Variants in DAZAP1 observed in about 807,000 individuals in gnomAD.
DAZAP1 encodes the protein DAZ associated protein 1.
A neutral mutation model predicts 60.1 loss-of-function variants in DAZAP1; 6 were observed. The observed-to-expected ratio is 0.10, with a 90% CI of 0.05 to 0.20. The LOEUF is 0.20. DAZAP1 is among the 10% of genes least tolerant of loss of function. DAZAP1 has a pLI of 1.00. For missense variants in DAZAP1, 366 were observed against 560.4 expected (o/e 0.65, Z 3.50); for synonymous variants, 235 against 215.9 (o/e 1.09, Z -0.78).
intron 4 of DAZAP1, among the ~76,000 whole-genome samples, chr19:1,420,822 C>T (rs904579649): frequency 3.3e-5 from 5 of 152,234 alleles, no homozygotes; most frequent in Non-Finnish European, 7.3e-5. Flanking sequence ...AAAGTCCCTG[C>T]CTTCACACTG....
At chr19:1,414,693 G>A (rs557228321) in intron 1 of DAZAP1, among the ~76,000 whole-genome samples, 4 of 151,826 alleles carry the variant, frequency 2.6e-5, no homozygotes, top group East Asian at 1.9e-4. Context: ...CTGAGATCGC[G>A]CCACTACACT....
intron 1 of DAZAP1, among the ~76,000 whole-genome samples, chr19:1,411,308 C>G (rs1307574267): frequency 6.6e-6 from 1 of 152,246 alleles, no homozygotes; most frequent in Non-Finnish European, 1.5e-5. Flanking sequence ...TGGGCAGCAC[C>G]TTTGGCCTCC....
Position 1,434,128 on chromosome 19 carries a change from G to A in DAZAP1, c.1049-609G>A, listed in dbSNP as rs890856886. ...GCAGCTCTGTCCTTGTAAAGACACC[G>A]CTGTCCATGCTCCTGAGGTCGGCTG... On this transcript the variant is annotated intron_variant, in intron 11 of 11. Coordinates refer to ENST00000233078, the MANE Select transcript of DAZAP1 (RefSeq NM_018959.4). This position sits in a 1 kb window ranked among gnomAD's most constrained non-coding sequence, Gnocchi z 8.0. The A allele has an allele frequency of 2.3e-5, 9 of 391,030 alleles. No individual in the cohort carries two copies. Among genetic ancestry groups the A allele is most frequent in the South Asian group, 6.4e-5 (2 of 31,160 alleles). The allele number at this position is 391,030 out of a possible 1,614,324, so 24.2% of individuals were successfully genotyped here.
At chr19:1,412,433 C>T (rs1016851709) in intron 1 of DAZAP1, among the ~76,000 whole-genome samples, 10 of 152,356 alleles carry the variant, frequency 6.6e-5, no homozygotes, top group East Asian at 3.9e-4. Context: ...AGATTGTGCA[C>T]GGAGCTGAGT....
chr19:1,429,715 CCA>C (rs1329888331), intron 8 of DAZAP1, among the ~76,000 whole-genome samples: 1 of 152,232 alleles, frequency 6.6e-6, no homozygotes, highest in Non-Finnish European at 1.5e-5. Context: ...CACCCGTGCC[CCA>C]GTCAGCAGAC....
chr19:1,434,017 C>T lies in DAZAP1; in HGVS notation c.1049-720C>T, dbSNP rs949766158. On this transcript the variant is annotated intron_variant, in intron 11 of 11. Coordinates refer to ENST00000233078, the MANE Select transcript of DAZAP1 (RefSeq NM_018959.4). This position sits in a 1 kb window ranked among gnomAD's most constrained non-coding sequence, Gnocchi z 8.0. ...TCCCCCAGAGAGAGCCCACGCCCAC[C>T]TGTGCCCACGTGCACCCGAATGGGA... 105 of 604,574 alleles carry T rather than the reference C, an allele frequency of 1.7e-4. No individual in the cohort carries two copies. In the African/African-American group the frequency reaches 1.8e-3, roughly 10 times the overall value. 37.5% of individuals were successfully genotyped at this position (604,574 alleles called of 1,614,324 possible).
intron 1 of DAZAP1, among the ~76,000 whole-genome samples, chr19:1,414,032 T>TGTGTGTGTGTGTG (rs1600190557): frequency 4.0e-5 from 6 of 149,276 alleles, no homozygotes; most frequent in African/African-American, 1.0e-4. Flanking sequence ...TGTGTGTGTG[T>TGTGTGTGTGTGTG]TTAGATGGAC....
At chr19:1,421,083 CCGCAGCT>C in intron 4 of DAZAP1, 58 bp from the exon 5 acceptor site, 1 of 1,486,938 alleles carries the variant, frequency 6.7e-7, no homozygotes, top group South Asian at 1.1e-5. Flanking sequence ...TTTATGTCCT[CCGCAGCT>C]CGCGGGAGGG....
chr19:1,431,169 C>T (rs2083441525), intron 10 of DAZAP1, among the ~76,000 whole-genome samples: 1 of 151,490 alleles, frequency 6.6e-6, no homozygotes, highest in South Asian at 2.1e-4. Context: ...CACTCTGTCG[C>T]CCAGGCTAGA....
intron 1 of DAZAP1, among the ~76,000 whole-genome samples, chr19:1,412,218 G>T (rs1441815107): frequency 6.6e-6 from 1 of 152,180 alleles, no homozygotes; most frequent in African/African-American, 2.4e-5. Context: ...CTGGAGGGGG[G>T]GCATCTGACC....
intron 1 of DAZAP1, among the ~76,000 whole-genome samples, chr19:1,408,377 CA>C (rs1444338819): frequency 2.6e-5 from 4 of 152,162 alleles, no homozygotes; most frequent in African/African-American, 7.2e-5. Flanking sequence ...GCTTCCTGGC[CA>C]GGGGGACCCC....
At chr19:1,419,996 C>T (rs1401029993) in intron 4 of DAZAP1, among the ~76,000 whole-genome samples, 2 of 97,022 alleles carry the variant, frequency 2.1e-5, no homozygotes, top group Non-Finnish European at 4.0e-5. Flanking sequence ...ACTCACCCCA[C>T]GCGCACACTC....
At position 1,426,907 on chromosome 19, in the gene DAZAP1, T is replaced by G. The variant is rs776965662; in HGVS notation, c.546+947T>G. On this transcript the variant is annotated intron_variant, in intron 7 of 11. Transcript: ENST00000233078. This position sits in a 1 kb window ranked among gnomAD's most constrained non-coding sequence, Gnocchi z 5.4. The stretch of plus-strand genomic sequence containing the variant: ...TTAGCCCCTCTGACAGGGCCATGGT[T>G]GTTTTTTCAATTAAAATGTCCTGGA... 20 of 152,202 alleles carry G rather than the reference T, an allele frequency of 1.3e-4. No individual in the cohort carries two copies. Among genetic ancestry groups the G allele is most frequent in the Non-Finnish European group, 1.3e-4 (9 of 68,030 alleles). The allele number at this position is 152,202 out of a possible 1,614,324, so 9.4% of individuals were successfully genotyped here.
intron 8 of DAZAP1, among the ~76,000 whole-genome samples, chr19:1,429,539 A>G (rs938651079): frequency 6.6e-6 from 1 of 152,082 alleles, no homozygotes; most frequent in African/African-American, 2.4e-5. Context: ...TTCCAGATGT[A>G]CGTCGTCCGG....
chr19:1,430,265 AC>A lies in DAZAP1; in HGVS notation c.779del (p.Pro260HisfsTer75). The A allele has an allele frequency of 3.5e-6, 2 of 565,654 alleles. No individual in the cohort carries two copies. The highest frequency in any genetic ancestry group is 5.7e-6 in the Non-Finnish European group (2 of 350,532). The allele number at this position is 565,654 out of a possible 1,614,324, so 35.0% of individuals were successfully genotyped here. ...PPAGRGAPPP[P>X]PPFTSYIVST... ...CTGCAGGAAGAGGAGCCCCCCCGCC[AC>A]CCCCACCGTTCACCTCCTACATCGT... On this transcript the variant is annotated frameshift_variant, in exon 10 of 12. Coordinates refer to ENST00000233078, the MANE Select transcript of DAZAP1 (RefSeq NM_018959.4). LOFTEE classifies it high-confidence loss of function.
chr19:1,427,019 T>G (rs975564360), intron 7 of DAZAP1: 1 of 152,262 alleles, frequency 6.6e-6, no homozygotes, highest in Admixed American at 6.5e-5. Context: ...AACAGTAGCA[T>G]GTGTAGTTAT....
Position 1,430,254 on chromosome 19 carries a change from G to GGGGC in DAZAP1, c.763_764insGGGC (p.Ala255GlyfsTer173). 32 of 1,295,086 alleles carry GGGGC rather than the reference G, an allele frequency of 2.5e-5. No homozygotes were observed. Among genetic ancestry groups the GGGGC allele is most frequent in the Non-Finnish European group, 3.1e-5 (29 of 923,916 alleles). 80.2% of individuals were successfully genotyped at this position (1,295,086 alleles called of 1,614,324 possible). Reference sequence around the variant, plus strand: ...TGGACCGCCCCCTGCAGGAAGAGGAGCCCCCCCGCCACCCCCACCGTTCAC... The same window carrying GGGGC: ...TGGACCGCCCCCTGCAGGAAGAGGAGGGGCCCCCCCCGCCACCCCCACCGTTCAC... On this transcript the variant is annotated frameshift_variant, in exon 10 of 12. Transcript: ENST00000233078. LOFTEE classifies it high-confidence loss of function.
chr19:1,432,130 G>T lies in DAZAP1; in HGVS notation c.872-384G>T, dbSNP rs1004698850. On this transcript the variant is annotated intron_variant, in intron 10 of 11. Coordinates refer to ENST00000233078, the MANE Select transcript of DAZAP1 (RefSeq NM_018959.4). This position sits in a 1 kb window ranked among gnomAD's most constrained non-coding sequence, Gnocchi z 4.9. The stretch of plus-strand genomic sequence containing the variant: ...TCCAAGCACGTCAGGATGCTCCCTT[G>T]CCTGTGCTGGCAGCTTCCTAAACAT... The T allele has an allele frequency of 1.5e-5, 4 of 258,834 alleles. No individual in the cohort carries two copies. Among genetic ancestry groups the T allele is most frequent in the Admixed American group, 5.1e-5 (1 of 19,492 alleles). 16.0% of individuals were successfully genotyped at this position (258,834 alleles called of 1,614,324 possible).
intron 1 of DAZAP1, among the ~76,000 whole-genome samples, chr19:1,408,754 G>A (rs532274814): frequency 6.6e-6 from 1 of 152,350 alleles, no homozygotes; most frequent in Non-Finnish European, 1.5e-5. Context: ...GACCTGCTCC[G>A]GACCCCGCGG....
Sources: gnomAD v4.1 joint callset for allele counts (sites outside exome capture counted in the v4.1 genomes callset) on GRCh38, gnomAD v4.1.1 for gene constraint, Gnocchi (gnomAD v3.1) non-coding constraint, MANE v1.5 for transcripts, NCBI Gene and HGNC (gene_info 2026-07-23, HGNC 2026-07-21) for gene names.